Variants in ZNF385D observed in about 807,000 individuals in gnomAD.
ZNF385D encodes zinc finger protein 659.
ZNF385D carries 15 observed loss-of-function variants against 35.8 expected under a neutral mutation model. That is an observed-to-expected ratio of 0.42 (90% confidence interval 0.28 to 0.64). The LOEUF (loss-of-function observed/expected upper bound fraction) is 0.64. ZNF385D is among the 30% of genes least tolerant of loss of function. ZNF385D has a pLI of 0.23. For missense variants in ZNF385D, 474 were observed against 494.6 expected (o/e 0.96, Z 0.39); for synonymous variants, 212 against 186.8 (o/e 1.13, Z -1.10).
chr3:22,311,846 CAG>C (rs779348283), intron 2 of ZNF385D, among the ~76,000 whole-genome samples: 35 of 152,192 alleles, frequency 2.3e-4, no homozygotes, highest in Middle Eastern at 3.4e-3. Context: ...GCCATGAAAT[CAG>C]AGTTTCTAGG....
At chr3:21,718,180 A>T (rs1190616227) in intron 1 of ZNF385D, among the ~76,000 whole-genome samples, 1 of 152,240 alleles carries the variant, frequency 6.6e-6, no homozygotes, top group Non-Finnish European at 1.5e-5. Context: ...TTTCAGAAGT[A>T]AGCCATATGG....
intron 3 of ZNF385D, among the ~76,000 whole-genome samples, chr3:22,106,220 A>G (rs867220180): frequency 6.6e-6 from 1 of 152,152 alleles, no homozygotes; most frequent in African/African-American, 2.4e-5. Flanking sequence ...GGTTGTAAGG[A>G]AACTGGTCAT....
chr3:21,672,965 A>G (rs187492210), intron 1 of ZNF385D, among the ~76,000 whole-genome samples: 1 of 152,244 alleles, frequency 6.6e-6, no homozygotes, highest in East Asian at 1.9e-4. Flanking sequence ...AACCCCAAAT[A>G]TCCCTCTGTA....
intron 3 of ZNF385D, among the ~76,000 whole-genome samples, chr3:21,911,181 G>T (rs1220353428): frequency 6.6e-6 from 1 of 151,550 alleles, no homozygotes; most frequent in Non-Finnish European, 1.5e-5. Context: ...GAAATACTTG[G>T]GTAATTACAA....
chr3:22,257,170 C>G (rs1288744786), intron 2 of ZNF385D, among the ~76,000 whole-genome samples: 2 of 151,772 alleles, frequency 1.3e-5, no homozygotes, highest in East Asian at 1.9e-4. Flanking sequence ...CTCAGTCTCA[C>G]CAGAGAAAAA....
At chr3:21,947,383 G>A (rs988669493) in intron 3 of ZNF385D, among the ~76,000 whole-genome samples, 1 of 148,872 alleles carries the variant, frequency 6.7e-6, no homozygotes, top group Non-Finnish European at 1.5e-5. Context: ...ACAGAGTCTC[G>A]CTCTGTCGCC....
intron 3 of ZNF385D, among the ~76,000 whole-genome samples, chr3:21,883,715 T>C (rs753714683): frequency 1.3e-5 from 2 of 152,050 alleles, no homozygotes; most frequent in Non-Finnish European, 2.9e-5. Context: ...AGGAAAGTCA[T>C]TTCATTTTTG....
intron 2 of ZNF385D, among the ~76,000 whole-genome samples, chr3:22,220,277 C>T (rs776253620): frequency 6.6e-6 from 1 of 152,036 alleles, no homozygotes; most frequent in African/African-American, 2.4e-5. Context: ...GTTGCCCAGA[C>T]TGGTCTTGAA....
At chr3:22,130,694 G>T (rs974731789) in intron 3 of ZNF385D, among the ~76,000 whole-genome samples, 1 of 152,078 alleles carries the variant, frequency 6.6e-6, no homozygotes, top group African/African-American at 2.4e-5. Context: ...GATAGGAGAG[G>T]GGCGGTGTAG....
chr3:21,853,949 C>T (rs115032645), intron 3 of ZNF385D, among the ~76,000 whole-genome samples: 5,943 of 151,532 alleles, frequency 0.039, 386 homozygotes, highest in African/African-American at 0.13. Context: ...GGACTATTGA[C>T]GGAAAAGGAA....
At chr3:22,040,186 T>C (rs1490526446) in intron 3 of ZNF385D, among the ~76,000 whole-genome samples, 3 of 152,020 alleles carry the variant, frequency 2.0e-5, no homozygotes, top group African/African-American at 7.2e-5. Context: ...TCCTTACACA[T>C]AGCCCACATC....
chr3:22,030,299 A>ATATATATATATATATATATCTATC (rs1553591392), intron 3 of ZNF385D, among the ~76,000 whole-genome samples: 3 of 114,758 alleles, frequency 2.6e-5, no homozygotes, highest in East Asian at 2.3e-4. Flanking sequence ...ATATATATAT[A>ATATATATATATATATATATCTATC]TATCCTATTT....
At chr3:21,812,572 C>T (rs1022735446) in intron 3 of ZNF385D, among the ~76,000 whole-genome samples, 3 of 152,224 alleles carry the variant, frequency 2.0e-5, no homozygotes, top group East Asian at 1.9e-4. Flanking sequence ...TTGGAGGGTC[C>T]CACGCCCACG....
rs1176816605 is a variant in ZNF385D, at chr3:22,050,909, T to G, written c.325+117908A>C. Among the ~76,000 whole-genome samples, 4 of 92,838 alleles carry G rather than the reference T, an allele frequency of 4.3e-5. 2 individuals are homozygous for G. Among genetic ancestry groups the G allele is most frequent in the African/African-American group, 1.6e-4 (4 of 25,604 alleles). The allele number at this position is 92,838 out of a possible 152,430, so 60.9% of individuals were successfully genotyped here. On this transcript the variant is annotated intron_variant, in intron 3 of 5. Transcript: ENST00000494108. ...CTTTTACATTTGCTGAGGAGAGCTT[T>G]ACTTCCAACTATGTGGTCAATTTTG...
At chr3:22,102,928 T>C (rs1702019688) in intron 3 of ZNF385D, among the ~76,000 whole-genome samples, 1 of 149,800 alleles carries the variant, frequency 6.7e-6, no homozygotes, top group Non-Finnish European at 1.5e-5. Context: ...CTCACGTATG[T>C]CCCTCACTCC....
rs80334169 is a variant in ZNF385D, at chr3:22,019,876, T to A, written c.325+148941A>T. On this transcript the variant is annotated intron_variant, in intron 3 of 5. Transcript: ENST00000494108. ...AGCACAGGGTCCTCTATGTATAAAG[T>A]CTCTAAGATTCAGTATACCTAGTTC... Among the ~76,000 whole-genome samples, 589 of 151,970 alleles carry A rather than the reference T, an allele frequency of 3.9e-3. 2 individuals are homozygous for A. Among genetic ancestry groups the A allele is most frequent in the African/African-American group, 0.013 (558 of 41,510 alleles).
chr3:22,064,818 G>T (rs1367317974), intron 3 of ZNF385D, among the ~76,000 whole-genome samples: 1 of 152,064 alleles, frequency 6.6e-6, no homozygotes, highest in Non-Finnish European at 1.5e-5. Context: ...ATGATCAAAG[G>T]GTATAAAGTT....
chr3:22,163,251 A>G (rs1189523320), intron 3 of ZNF385D, among the ~76,000 whole-genome samples: 1 of 152,208 alleles, frequency 6.6e-6, no homozygotes, highest in African/African-American at 2.4e-5. Context: ...TGAATCACAC[A>G]GATTCTTGAA....
At chr3:22,088,462 G>A (rs1701158081) in intron 3 of ZNF385D, among the ~76,000 whole-genome samples, 1 of 152,150 alleles carries the variant, frequency 6.6e-6, no homozygotes, top group Non-Finnish European at 1.5e-5. Flanking sequence ...TCAACGTGGT[G>A]TGAGAGCAAA....
Sources: gnomAD v4.1 joint callset for allele counts (sites outside exome capture counted in the v4.1 genomes callset) on GRCh38, gnomAD v4.1.1 for gene constraint, MANE v1.5 for transcripts, NCBI Gene and HGNC (gene_info 2026-07-23, HGNC 2026-07-21) for gene names.